Variants in POLR3C observed in about 807,000 individuals in gnomAD.
POLR3C encodes DNA-directed RNA polymerase III subunit RPC3.
In POLR3C, 44 loss-of-function variants were observed where a neutral mutation model predicts 65.9. The observed-to-expected ratio is 0.67, with a 90% confidence interval of 0.52 to 0.86. POLR3C has a LOEUF of 0.86. POLR3C is among the 40% of genes least tolerant of loss of function. POLR3C has a pLI of 0.00. For synonymous variants in POLR3C, 263 were observed against 231.6 expected, an observed-to-expected ratio of 1.14 and a Z score of -1.23; for missense variants, 576 against 653.2, an observed-to-expected ratio of 0.88 and a Z score of 1.29.
rs1436381685 is a variant in POLR3C at position 145,824,248 on chromosome 1, C to G, written c.-142C>G. The G allele has an allele frequency of 7.5e-6, 2 of 265,088 alleles. No homozygotes were observed. Among genetic ancestry groups the G allele is most frequent in the Non-Finnish European group, 1.5e-5 (2 of 134,416 alleles). 16.4% of individuals were successfully genotyped at this position (265,088 alleles called of 1,614,324 possible). A position where few individuals can be genotyped will look rare whatever the true frequency, so the allele number is the denominator to read the frequency against. Reference sequence around the variant, plus strand: ...TTCCGCGTCTTCTTCGGTGGCGATCCGCGTCCTAGAAAGGGCGGTGGGCTC... The same window carrying G: ...TTCCGCGTCTTCTTCGGTGGCGATCGGCGTCCTAGAAAGGGCGGTGGGCTC... On this transcript the variant is annotated 5_prime_UTR_variant, in exon 1 of 15. Transcript: ENST00000334163.
rs1651045564 is a variant in POLR3C, at chr1:145,828,795, G to A, written c.636G>A (p.Glu212=). The A allele has an allele frequency of 1.2e-6, 2 of 1,610,866 alleles. No individual in the cohort carries two copies. The highest frequency in any genetic ancestry group is 8.5e-7 in the Non-Finnish European group (1 of 1,177,044). ...CATCTGATGAAGATGCTGCTGGGGAGCCCAAGGCCAAGAGACCAAAATATA... is the reference window on the plus strand; with the variant it reads ...CATCTGATGAAGATGCTGCTGGGGAACCCAAGGCCAAGAGACCAAAATATA... ...RRSSDEDAAG[E]PKAKRPKYTT... Residue 212 remains glutamate, a synonymous_variant, in exon 5 of 15, where the codon GAG becomes GAA. Coordinates refer to ENST00000334163, the MANE Select transcript of POLR3C (RefSeq NM_006468.8).
rs1330630264 is a variant in POLR3C at position 145,826,637 on chromosome 1, C to G, written c.331C>G (p.Leu111Val). Reference sequence around the variant, plus strand: ...TGGAGAGCTGATTGTTGAGGAGCTTCTGTTGAACGGCAAACTGACAATGTC... The same window carrying G: ...TGGAGAGCTGATTGTTGAGGAGCTTGTGTTGAACGGCAAACTGACAATGTC... Reference protein sequence around the residue: ...DTGELIVEELLLNGKLTMSAV... With the variant: ...DTGELIVEELVLNGKLTMSAV... Residue 111 changes from leucine to valine, a missense_variant, in exon 3 of 15, where the codon CTG becomes GTG. Transcript: ENST00000334163. The G allele has an allele frequency of 1.9e-6, 3 of 1,614,012 alleles. No homozygotes were observed. Among genetic ancestry groups the G allele is most frequent in the Non-Finnish European group, 2.5e-6 (3 of 1,180,008 alleles).
rs1553731414 is a variant in POLR3C, at chr1:145,843,951, G to A, written c.*1531G>A. On this transcript the variant is annotated 3_prime_UTR_variant, in exon 15 of 15. Transcript: ENST00000334163. ...GTTCAACATCACTAATCAGAGAAAT[G>A]GAAATCAAAATCAATGAGATAACAT... Among the ~76,000 whole-genome samples, 1 of 152,060 alleles carries A rather than the reference G, an allele frequency of 6.6e-6. No individual in the cohort carries two copies. The highest frequency in any genetic ancestry group is 1.5e-5 in the Non-Finnish European group (1 of 68,014).
chr1:145,833,235 A>C (rs781944236), intron 5 of POLR3C, 25 bp from the exon 6 acceptor site: 1 of 1,415,220 alleles, frequency 7.1e-7, no homozygotes, highest in East Asian at 2.3e-5. Flanking sequence ...CTATAGCTAA[A>C]TGTTTCTCTA....
intron 5 of POLR3C, among the ~76,000 whole-genome samples, chr1:145,832,348 T>C (rs1044987032): frequency 6.6e-6 from 1 of 151,856 alleles, no homozygotes; most frequent in African/African-American, 2.4e-5. Context: ...AGGCATAGGG[T>C]TGAAAGAGAA....
At chr1:145,841,636 A>G (rs1244614662) in intron 14 of POLR3C, among the ~76,000 whole-genome samples, 1 of 152,228 alleles carries the variant, frequency 6.6e-6, no homozygotes, top group South Asian at 2.1e-4. Context: ...TACAAAAACA[A>G]CCAACTTTGG....
At chr1:145,834,442 G>A (rs1651618693) in intron 7 of POLR3C, among the ~76,000 whole-genome samples, 1 of 151,896 alleles carries the variant, frequency 6.6e-6, no homozygotes, top group Non-Finnish European at 1.5e-5. Context: ...CCAGGCTGGT[G>A]GGTTGCCTGA....
intron 13 of POLR3C, 96 bp from the exon 14 acceptor site, chr1:145,840,826 A>T (rs1559153806): frequency 2.5e-6 from 2 of 811,812 alleles, no homozygotes; most frequent in Admixed American, 4.6e-5. Flanking sequence ...TTTGATCAGG[A>T]AAATGGTAAA....
At chr1:145,837,721 C>T in intron 10 of POLR3C, 125 bp downstream of exon 10, 3 of 761,336 alleles carry the variant, frequency 3.9e-6, no homozygotes, top group Non-Finnish European at 2.4e-6. Flanking sequence ...TTTCACTGGA[C>T]TCCTATGGAT....
chr1:145,826,980 C>T lies in POLR3C; in HGVS notation c.564C>T (p.Tyr188=). 1.9e-6 allele frequency: 3 copies of T among 1,611,132 alleles called. No individual in the cohort carries two copies. The highest frequency in any genetic ancestry group is 2.7e-5 in the African/African-American group (2 of 74,794). ...PTLVINEKDM[Y]LVPKLSLIGK... Reference sequence around the variant, plus strand: ...TTGTCATTAATGAAAAGGACATGTACCTGGTTCCTAAACTCAGCTTGATAG... The same window carrying T: ...TTGTCATTAATGAAAAGGACATGTATCTGGTTCCTAAACTCAGCTTGATAG... The change falls in exon 4 of 15, where the codon TAC becomes TAT. Residue 188 remains tyrosine (Y), a synonymous_variant. Transcript: ENST00000334163.
At position 145,826,808 on chromosome 1, in the gene POLR3C, C is replaced by T; in HGVS notation, c.404-12C>T. 1 of 1,605,234 alleles carries T rather than the reference C, an allele frequency of 6.2e-7. No individual in the cohort carries two copies. Among genetic ancestry groups the T allele is most frequent in the Non-Finnish European group, 8.5e-7 (1 of 1,174,238 alleles). ...AGGCCATCTCATCTGCCTTTTTCCT[C>T]CTGTTATACAGATGGCAAGACCATG... On this transcript the variant is annotated splice_polypyrimidine_tract_variant and intron_variant, in intron 3 of 14. Transcript: ENST00000334163.
chr1:145,840,926 C>G lies in POLR3C; in HGVS notation c.1378C>G (p.Leu460Val). Reference sequence around the variant, plus strand: ...AGAGTTGTGTTTGTTTGACAGGCGTCTACTAGAAAAATCTCAGAGGGTAGA... The same window carrying G: ...AGAGTTGTGTTTGTTTGACAGGCGTGTACTAGAAAAATCTCAGAGGGTAGA... Reference protein sequence around the residue: ...RQFETKENKRLLEKSQRVEAI... With the variant: ...RQFETKENKRVLEKSQRVEAI... The change falls in exon 14 of 15, where the codon CTA becomes GTA. Residue 460 changes from leucine (L) to valine (V), a missense_variant. Physicochemically the swap from Leu to Val is conservative, Grantham distance 32. Transcript: ENST00000334163. 1 of 1,612,932 alleles carries G rather than the reference C, an allele frequency of 6.2e-7. No individual in the cohort carries two copies.
chr1:145,839,689 C>A (rs2101657193), intron 11 of POLR3C: 1 of 518,080 alleles, frequency 1.9e-6, no homozygotes, highest in South Asian at 2.7e-5. Flanking sequence ...TGATATCATG[C>A]CACCGCACTC....
At chr1:145,828,504 A>T (rs1650977511) in intron 4 of POLR3C, among the ~76,000 whole-genome samples, 1 of 152,134 alleles carries the variant, frequency 6.6e-6, no homozygotes, top group African/African-American at 2.4e-5. Flanking sequence ...ATGTGGGAGG[A>T]TGATATCACT....
Position 145,828,802 on chromosome 1 carries a change from G to A in POLR3C, c.643G>A (p.Ala215Thr). Residue 215 changes from alanine to threonine, a missense_variant, in exon 5 of 15, where the codon GCC becomes ACC. Coordinates refer to ENST00000334163, the MANE Select transcript of POLR3C (RefSeq NM_006468.8). ...SDEDAAGEPK[A>T]KRPKYTTDNK... is the part of the protein sequence containing the mutation. Reference sequence around the variant, plus strand: ...TGAAGATGCTGCTGGGGAGCCCAAGGCCAAGAGACCAAAATATACTACAGA... The same window carrying A: ...TGAAGATGCTGCTGGGGAGCCCAAGACCAAGAGACCAAAATATACTACAGA... 6.2e-7 allele frequency: 1 copy of A among 1,605,864 alleles called. No individual in the cohort carries two copies. Among genetic ancestry groups the A allele is most frequent in the Non-Finnish European group, 8.5e-7 (1 of 1,172,538 alleles).
In POLR3C at chr1:145,843,195, A is replaced by T. The variant is rs1200225075; in HGVS notation, c.*775A>T. ...CCACATTTGCCAGCTCCAGGCTTCTAACACATCTGAAACTGTGTATGTAGA... is the reference window on the plus strand; with the variant it reads ...CCACATTTGCCAGCTCCAGGCTTCTTACACATCTGAAACTGTGTATGTAGA... On this transcript the variant is annotated 3_prime_UTR_variant, in exon 15 of 15. Transcript: ENST00000334163. 7.1e-6 allele frequency among the ~76,000 whole-genome samples: 1 copy of T among 139,908 alleles called. No homozygotes were observed. Among genetic ancestry groups the T allele is most frequent in the Non-Finnish European group, 1.6e-5 (1 of 61,140 alleles). 91.8% of individuals were successfully genotyped at this position (139,908 alleles called of 152,430 possible). A position where few individuals can be genotyped will look rare whatever the true frequency, so the allele number is the denominator to read the frequency against.
At chr1:145,829,522 C>T (rs1368921677) in intron 5 of POLR3C, among the ~76,000 whole-genome samples, 1 of 152,186 alleles carries the variant, frequency 6.6e-6, no homozygotes, top group Non-Finnish European at 1.5e-5. Flanking sequence ...GCCAAAATGA[C>T]TTTCTAAGTT....
chr1:145,824,702 TCA>T (rs1650554095), intron 1 of POLR3C, among the ~76,000 whole-genome samples: 1 of 152,204 alleles, frequency 6.6e-6, no homozygotes, highest in Non-Finnish European at 1.5e-5. Context: ...GTCAACTTTG[TCA>T]AGGAGTAGAA....
At chr1:145,835,166 A>G in intron 7 of POLR3C, among the ~76,000 whole-genome samples, 1 of 149,978 alleles carries the variant, frequency 6.7e-6, no homozygotes, top group South Asian at 2.1e-4. Flanking sequence ...AAAAAAAAAA[A>G]GGCCGGACGC....
Sources: gnomAD v4.1 joint callset for allele counts (sites outside exome capture counted in the v4.1 genomes callset) on GRCh38, gnomAD v4.1.1 for gene constraint, MANE v1.5 for transcripts, NCBI Gene and HGNC (gene_info 2026-07-23, HGNC 2026-07-21) for gene names.